KIAA1217: variants seen among roughly 807,000 people sequenced by gnomAD.
The protein encoded by KIAA1217 is KIAA1217.
KIAA1217 carries 88 observed loss-of-function variants against 163.9 expected under a neutral mutation model. That is an observed-to-expected ratio of 0.54 (90% CI 0.45 to 0.64). KIAA1217 has a LOEUF of 0.64. Among genes scored for constraint, KIAA1217 ranks in the 30% least tolerant of loss-of-function variants. The pLI is 0.00. For synonymous variants in KIAA1217, 903 were observed against 923.1 expected (o/e 0.98, Z 0.39); for missense variants, 2,372 against 2,475.0 (o/e 0.96, Z 0.88).
At chr10:24,532,612 C>T (rs567251081) in intron 15 of KIAA1217, among the ~76,000 whole-genome samples, 4 of 152,280 alleles carry the variant, frequency 2.6e-5, no homozygotes, top group African/African-American at 9.6e-5. Flanking sequence ...GCACTTCTCA[C>T]ATGGTGGCAG....
At chr10:24,087,034 G>T (rs909553070) in intron 2 of KIAA1217, among the ~76,000 whole-genome samples, 1 of 152,162 alleles carries the variant, frequency 6.6e-6, no homozygotes, top group African/African-American at 2.4e-5. Context: ...CAGAAGACTC[G>T]TGTGATATTC....
intron 1 of KIAA1217, among the ~76,000 whole-genome samples, chr10:23,860,473 A>ATT (rs1401177507): frequency 1.4e-4 from 21 of 152,318 alleles, no homozygotes; most frequent in African/African-American, 5.1e-4. Context: ...ATTTAATGAC[A>ATT]ATATTATACA....
At chr10:24,512,791 T>C (rs1204465677) in intron 9 of KIAA1217, among the ~76,000 whole-genome samples, 1 of 152,180 alleles carries the variant, frequency 6.6e-6, no homozygotes, top group Non-Finnish European at 1.5e-5. Context: ...CGGTATTTCA[T>C]GTAACCCTCA....
At chr10:24,485,089 C>CTT (rs71506835) in intron 6 of KIAA1217, among the ~76,000 whole-genome samples, 8 of 140,940 alleles carry the variant, frequency 5.7e-5, no homozygotes, top group Admixed American at 1.4e-4. Flanking sequence ...GACCTGCCCG[C>CTT]TTTTTTTTTT....
chr10:24,539,881 G>T (rs1227224225), intron 17 of KIAA1217, among the ~76,000 whole-genome samples: 1 of 152,046 alleles, frequency 6.6e-6, no homozygotes, highest in Non-Finnish European at 1.5e-5. Context: ...CAATTTTCTT[G>T]TAACCCTGTC....
intron 2 of KIAA1217, among the ~76,000 whole-genome samples, chr10:24,269,875 C>T (rs145130222): frequency 2.0e-5 from 3 of 152,236 alleles, no homozygotes; most frequent in African/African-American, 2.4e-5. Context: ...ATTGGGGCCC[C>T]GTACTATATA....
chr10:23,910,339 A>G (rs1842381899), intron 1 of KIAA1217, among the ~76,000 whole-genome samples: 1 of 152,148 alleles, frequency 6.6e-6, no homozygotes, highest in African/African-American at 2.4e-5. Context: ...AAAAGTAGAT[A>G]AGCGATTTCA....
chr10:23,967,899 A>ATGTG (rs58562978), intron 1 of KIAA1217, among the ~76,000 whole-genome samples: 6,334 of 143,858 alleles, frequency 0.044, 171 homozygotes, highest in Admixed American at 0.066. Flanking sequence ...AATATATTAA[A>ATGTG]TGTGTGTGTG....
intron 2 of KIAA1217, among the ~76,000 whole-genome samples, chr10:24,234,799 T>G (rs2071991331): frequency 6.6e-6 from 1 of 152,140 alleles, no homozygotes; most frequent in Non-Finnish European, 1.5e-5. Flanking sequence ...ATTATATTCC[T>G]CCATCTTAAT....
rs192345113 is a variant in KIAA1217 at position 24,260,043 on chromosome 10, G to A, written c.354+40134G>A. ...ATCTGTCTCTTGTAGGAAATGGAGG[G>A]GCTTTCCTTATGCTTGTTTTTCTCT... On this transcript the variant is annotated intron_variant, in intron 2 of 20. Transcript: ENST00000376454. 2.8e-3 allele frequency among the ~76,000 whole-genome samples: 423 copies of A among 152,254 alleles called. 1 individual carries two copies. Among genetic ancestry groups the A allele is most frequent in the Non-Finnish European group, 5.2e-3 (352 of 68,014 alleles).
At chr10:23,784,626 T>C (rs1384138095) in intron 1 of KIAA1217, among the ~76,000 whole-genome samples, 5 of 152,234 alleles carry the variant, frequency 3.3e-5, no homozygotes, top group Admixed American at 3.3e-4. Flanking sequence ...GCATTTAGTA[T>C]ATGTTTTGCT....
chr10:24,107,784 T>C (rs2062688698), intron 2 of KIAA1217, among the ~76,000 whole-genome samples: 1 of 152,200 alleles, frequency 6.6e-6, no homozygotes, highest in African/African-American at 2.4e-5. Flanking sequence ...CAGAATCTTT[T>C]AACAGACCTT....
intron 2 of KIAA1217, among the ~76,000 whole-genome samples, chr10:24,188,683 C>CGTGTTT (rs1438463376): frequency 1.3e-5 from 2 of 151,956 alleles, no homozygotes; most frequent in Admixed American, 6.5e-5. Flanking sequence ...TCAAGTGTAA[C>CGTGTTT]GTGTTTGTCC....
intron 1 of KIAA1217, among the ~76,000 whole-genome samples, chr10:23,858,685 C>A (rs932798767): frequency 1.3e-5 from 2 of 152,118 alleles, no homozygotes; most frequent in African/African-American, 4.8e-5. Flanking sequence ...TCCCTCCAGT[C>A]TTCAACCCTC....
rs915022375 is a variant in KIAA1217 at position 23,901,631 on chromosome 10, A to T, written c.-320-105594A>T. ...CAGCTAAGAACTGAAATATTTGGCT[A>T]GGCATGGCGGCTCATTCTTGTAGTT... is the stretch of plus-strand genomic sequence containing the variant. On this transcript the variant is annotated intron_variant, in intron 1 of 18. Transcript: ENST00000376462. Among the ~76,000 whole-genome samples, 13 of 152,206 alleles carry T rather than the reference A, an allele frequency of 8.5e-5. No homozygotes were observed. In the East Asian group the frequency reaches 2.5e-3, roughly 29 times the overall value.
chr10:23,778,535 G>T (rs985800181), intron 1 of KIAA1217, among the ~76,000 whole-genome samples: 1 of 152,182 alleles, frequency 6.6e-6, no homozygotes, highest in Admixed American at 6.5e-5. Flanking sequence ...GGCCATTGTT[G>T]TGGGGAATCT....
At chr10:24,497,520 G>C (rs1355361825) in intron 8 of KIAA1217, among the ~76,000 whole-genome samples, 1 of 152,130 alleles carries the variant, frequency 6.6e-6, no homozygotes, top group East Asian at 1.9e-4. Context: ...ACTGCTTGAG[G>C]CTAGGAGTTT....
chr10:24,180,503 G>C (rs1012846299), intron 2 of KIAA1217, among the ~76,000 whole-genome samples: 2 of 151,796 alleles, frequency 1.3e-5, no homozygotes, highest in African/African-American at 4.8e-5. Flanking sequence ...GCAAAATTCT[G>C]CCTGTCTTGC....
At chr10:23,889,360 T>A (rs981297460) in intron 1 of KIAA1217, among the ~76,000 whole-genome samples, 1 of 151,896 alleles carries the variant, frequency 6.6e-6, no homozygotes, top group African/African-American at 2.4e-5. Context: ...TATTGGCACC[T>A]CATTGTGGTT....
Sources: gnomAD v4.1 joint callset for allele counts (sites outside exome capture counted in the v4.1 genomes callset) on GRCh38, gnomAD v4.1.1 for gene constraint, MANE v1.5 for transcripts, NCBI Gene and HGNC (gene_info 2026-07-23, HGNC 2026-07-21) for gene names.